The following SPAG17 variants were observed in gnomAD, a reference collection of about 807,000 sequenced individuals.
The protein encoded by SPAG17 is sperm-associated antigen 17.
SPAG17 carries 169 observed loss-of-function variants against 273.6 expected under a neutral mutation model. The observed-to-expected ratio is 0.62, with a 90% CI of 0.55 to 0.70. The LOEUF (loss-of-function observed/expected upper bound fraction) is 0.70. SPAG17 is among the 30% of genes least tolerant of loss of function. The pLI, the probability that SPAG17 is intolerant of heterozygous loss-of-function variation, is 0.00. For synonymous variants in SPAG17, 825 were observed against 873.2 expected (o/e 0.94, Z 0.97); for missense variants, 2,557 against 2,627.8 (o/e 0.97, Z 0.59).
chr1:117,954,772 T>C, intron 48 of SPAG17: 1 of 901,870 alleles, frequency 1.1e-6, no homozygotes, highest in East Asian at 2.6e-5. Context: ...TGGCATTCTC[T>C]AGGATATTTT....
At chr1:118,116,830 G>A (rs962282679) in intron 3 of SPAG17, among the ~76,000 whole-genome samples, 2 of 152,212 alleles carry the variant, frequency 1.3e-5, no homozygotes, top group African/African-American at 4.8e-5. Context: ...TCCCTGCAAG[G>A]ACTCTAGGAA....
At chr1:118,022,091 T>A (rs562595360) in intron 28 of SPAG17, among the ~76,000 whole-genome samples, 1 of 152,272 alleles carries the variant, frequency 6.6e-6, no homozygotes, top group South Asian at 2.1e-4. Flanking sequence ...ATTAAAGGCA[T>A]ATGAGAAATT....
At chr1:117,984,819 T>C (rs749084821) in intron 40 of SPAG17, 37 bp from the exon 41 acceptor site, 11 of 1,315,782 alleles carry the variant, frequency 8.4e-6, no homozygotes, top group East Asian at 2.3e-5. Context: ...AAAGAAGACA[T>C]AGAATATTTT....
At chr1:118,183,817 A>T (rs1352310319) in intron 1 of SPAG17, among the ~76,000 whole-genome samples, 1 of 152,210 alleles carries the variant, frequency 6.6e-6, no homozygotes, top group African/African-American at 2.4e-5. Context: ...CACAATCTCA[A>T]AGAAAATGGA....
chr1:118,093,164 T>C lies in SPAG17; in HGVS notation c.1165A>G (p.Thr389Ala), dbSNP rs1655495043. Residue 389 changes from threonine to alanine, a missense_variant, in exon 8 of 49, where the codon ACT (threonine) becomes GCT (alanine). Physicochemically the swap from Thr to Ala is moderately conservative, Grantham distance 58. Coordinates refer to ENST00000336338, the MANE Select transcript of SPAG17 (RefSeq NM_206996.4). The part of the protein sequence containing the change: ...NEKPVLEAMP[T>A]SEAPQPAVPA... The stretch of plus-strand genomic sequence containing the variant: ...ATTGAGCCCATGCCTACCTCTGAAG[T>C]TGGCATGGCTTCTAATACAGGTTTC... The C allele has an allele frequency of 3.1e-6, 5 of 1,612,502 alleles. No individual in the cohort carries two copies. Among genetic ancestry groups the C allele is most frequent in the East Asian group, 4.5e-5 (2 of 44,864 alleles).
Position 118,012,292 on chromosome 1 carries a change from G to C in SPAG17, c.4368C>G (p.Thr1456=), listed in dbSNP as rs1659554495. ...GTRIVDHADG[T]RITTFYQVYE... is the part of the protein sequence containing the mutation. ...AAACTTGATAAAAGGTTGTGATTCTGGTACCATCAGCATGATCCACTATCC... is the reference window on the plus strand; with the variant it reads ...AAACTTGATAAAAGGTTGTGATTCTCGTACCATCAGCATGATCCACTATCC... Residue 1456 remains threonine, a synonymous_variant, in exon 30 of 49, where the codon ACC becomes ACG. Transcript: ENST00000336338. 6.2e-7 allele frequency: 1 copy of C among 1,613,530 alleles called. No individual in the cohort carries two copies. Among genetic ancestry groups the C allele is most frequent in the Non-Finnish European group, 8.5e-7 (1 of 1,179,656 alleles).
At chr1:117,973,342 A>T in intron 44 of SPAG17, 83 bp downstream of exon 44, 1 of 1,516,082 alleles carries the variant, frequency 6.6e-7, no homozygotes, top group Non-Finnish European at 9.0e-7. Context: ...CTACAAAAGG[A>T]GCAGGATTGA....
intron 28 of SPAG17, among the ~76,000 whole-genome samples, chr1:118,017,740 A>T (rs1356024568): frequency 6.6e-6 from 1 of 152,182 alleles, no homozygotes; most frequent in Non-Finnish European, 1.5e-5. Context: ...TATATTGGGG[A>T]ACAAATTTGG....
rs141491008 is a variant in SPAG17 at position 118,145,371 on chromosome 1, A to AT, written c.315+5171dup. ...CTGTGTTCTCACTTGTCAATTACTA[A>AT]TAAATACATGTTGGAAAAGACCTGA... On this transcript the variant is annotated intron_variant, in intron 3 of 48. Coordinates refer to ENST00000336338, the MANE Select transcript of SPAG17 (RefSeq NM_206996.4). 3.3e-5 allele frequency among the ~76,000 whole-genome samples: 5 copies of AT among 152,264 alleles called. No homozygotes were observed. In the East Asian group the frequency reaches 9.7e-4, roughly 29 times the overall value.
intron 44 of SPAG17, 140 bp from the exon 45 acceptor site, chr1:117,972,187 C>T: frequency 2.7e-6 from 2 of 751,650 alleles, no homozygotes; most frequent in South Asian, 4.0e-5. Flanking sequence ...GTCATCCTTA[C>T]AACAGTCCTG....
At position 117,956,929 on chromosome 1, in the gene SPAG17, A is replaced by G. The variant is rs1652286444; in HGVS notation, c.*1-2880T>C. 4.8e-6 allele frequency: 3 copies of G among 630,286 alleles called. No individual in the cohort carries two copies. The South Asian group carries it at 1.1e-4, about 23-fold the overall frequency. The allele number at this position is 630,286 out of a possible 1,614,324, so 39.0% of individuals were successfully genotyped here. A position where few individuals can be genotyped will look rare whatever the true frequency, so the allele number is the denominator to read the frequency against. ...AAACAAAGAGAGTCATCTAGCTTAC[A>G]GATGAATATTTAACTCTAGGCAAGA... On this transcript the variant is annotated intron_variant, in intron 48 of 48. Transcript: ENST00000336338.
chr1:118,114,531 G>T (rs1268809732), intron 4 of SPAG17, among the ~76,000 whole-genome samples: 1 of 152,142 alleles, frequency 6.6e-6, no homozygotes, highest in Non-Finnish European at 1.5e-5. Flanking sequence ...ATAAAGAAAT[G>T]ACTTCATATG....
At chr1:118,082,953 T>G (rs1654702581) in intron 13 of SPAG17, among the ~76,000 whole-genome samples, 2 of 148,760 alleles carry the variant, frequency 1.3e-5, no homozygotes, top group Non-Finnish European at 3.0e-5. Context: ...CATGACAGCT[T>G]GATAGGTGAT....
chr1:118,085,336 C>T (rs1457304992), intron 13 of SPAG17, among the ~76,000 whole-genome samples: 7 of 152,158 alleles, frequency 4.6e-5, no homozygotes, highest in African/African-American at 1.4e-4. Flanking sequence ...AATTCAAAGA[C>T]AGGTATCGCT....
chr1:118,016,224 T>A, intron 28 of SPAG17, 42 bp from the exon 29 acceptor site: 3 of 1,441,342 alleles, frequency 2.1e-6, no homozygotes, highest in Non-Finnish European at 2.9e-6. Context: ...AATATAACTA[T>A]AGTATCAATT....
At chr1:118,136,875 G>A (rs1658397363) in intron 3 of SPAG17, among the ~76,000 whole-genome samples, 1 of 151,890 alleles carries the variant, frequency 6.6e-6, no homozygotes, top group African/African-American at 2.4e-5. Context: ...CCATAGGAAA[G>A]CCCTGACAAT....
intron 1 of SPAG17, among the ~76,000 whole-genome samples, chr1:118,176,941 T>C (rs1209667227): frequency 1.3e-5 from 2 of 152,118 alleles, no homozygotes; most frequent in Non-Finnish European, 2.9e-5. Flanking sequence ...ACAACTTGCT[T>C]CTGAATGATA....
intron 20 of SPAG17, among the ~76,000 whole-genome samples, chr1:118,051,762 AT>A (rs1651045970): frequency 6.9e-6 from 1 of 144,614 alleles, no homozygotes; most frequent in Admixed American, 7.0e-5. Flanking sequence ...ATAGTATAAT[AT>A]AATATAACAT....
At chr1:118,027,879 G>A (rs1206880417) in intron 26 of SPAG17, among the ~76,000 whole-genome samples, 1 of 152,120 alleles carries the variant, frequency 6.6e-6, no homozygotes, top group Non-Finnish European at 1.5e-5. Context: ...CCAGCAACAT[G>A]CTGCACCCAT....
Sources: gnomAD v4.1 joint callset for allele counts (sites outside exome capture counted in the v4.1 genomes callset) on GRCh38, gnomAD v4.1.1 for gene constraint, MANE v1.5 for transcripts, NCBI Gene and HGNC (gene_info 2026-07-23, HGNC 2026-07-21) for gene names.